The following EPS8L2 variants were observed in gnomAD, a reference collection of about 807,000 sequenced individuals.
EPS8L2 encodes epidermal growth factor receptor kinase substrate 8-like protein 2.
In EPS8L2, 81 loss-of-function variants were observed where a neutral mutation model predicts 99.4. The observed-to-expected ratio is 0.82, with a 90% confidence interval of 0.68 to 0.98. The LOEUF (loss-of-function observed/expected upper bound fraction) is 0.98. Among genes scored for constraint, EPS8L2 ranks in the 50% least tolerant of loss-of-function variants. The probability of loss-of-function intolerance (pLI) is 0.00; values close to 1 mark genes in which losing one functional copy is unlikely to be tolerated. For synonymous variants in EPS8L2, 509 were observed against 407.3 expected, an observed-to-expected ratio of 1.25 and a Z score of -3.01; for missense variants, 1,155 against 968.8, an observed-to-expected ratio of 1.19 and a Z score of -2.55.
At chr11:725,941 GGA>G (rs1862305185) in intron 17 of EPS8L2, 94 bp downstream of exon 17, 4 of 1,376,486 alleles carry the variant, frequency 2.9e-6, no homozygotes, top group Non-Finnish European at 3.8e-6. Context: ...CCCCGCGGCT[GGA>G]GAGACTGGGG....
At chr11:725,877 GC>G in intron 17 of EPS8L2, 30 bp downstream of exon 17, 1 of 1,355,712 alleles carries the variant, frequency 7.4e-7, no homozygotes, top group Non-Finnish European at 9.5e-7. Context: ...TGGGGTCGCA[GC>G]CCCCAGCTTC....
chr11:720,357 G>A (rs1255708599), intron 5 of EPS8L2, 134 bp downstream of exon 5: 11 of 1,149,118 alleles, frequency 9.6e-6, no homozygotes, highest in Non-Finnish European at 1.3e-5. Context: ...CCTGGAAGAG[G>A]ATGGGACAAG....
Position 722,156 on chromosome 11 carries a change from TCTGGAC to T in EPS8L2, c.1055_1059+1del. 1 of 1,612,438 alleles carries T rather than the reference TCTGGAC, an allele frequency of 6.2e-7. No individual in the cohort carries two copies. The highest frequency in any genetic ancestry group is 8.5e-7 in the Non-Finnish European group (1 of 1,179,688). ...AGCTCGTGCACTTCCTCTTCGGGCC[TCTGGAC>T]CTGGTGCCTGGGGCCGGGCGGCAGG... On this transcript the variant is annotated inframe_deletion, in exon 12 of 21. Coordinates refer to ENST00000318562, the MANE Select transcript of EPS8L2 (RefSeq NM_022772.4).
In EPS8L2 at chr11:726,662, TC is replaced by T; in HGVS notation, c.1981del (p.Leu661SerfsTer6). The part of the protein sequence containing the change: ...LGILTGPQLF[S>X]LNKEELKKVC... ...CATCCTGACCGGGCCGCAGCTCTTC[TC>T]CCTCAACAAGGAGGAGCTGAAGAAA... On this transcript the variant is annotated frameshift_variant, in exon 20 of 21. Coordinates refer to ENST00000318562, the MANE Select transcript of EPS8L2 (RefSeq NM_022772.4). LOFTEE classifies it high-confidence loss of function. The T allele has an allele frequency of 6.4e-7, 1 of 1,566,180 alleles. No individual in the cohort carries two copies. Among genetic ancestry groups the T allele is most frequent in the Non-Finnish European group, 8.6e-7 (1 of 1,156,222 alleles).
chr11:710,392 C>T (rs1458878316), intron 3 of EPS8L2, 30 bp from the exon 4 acceptor site: 5 of 1,610,558 alleles, frequency 3.1e-6, no homozygotes, highest in Middle Eastern at 3.3e-4. Flanking sequence ...TCCTGCCCGT[C>T]GGGGGAGTGA....
rs1180417748 is a variant in EPS8L2 at position 726,605 on chromosome 11, C to G, written c.1935-14C>G. On this transcript the variant is annotated splice_polypyrimidine_tract_variant and intron_variant, in intron 19 of 20. Transcript: ENST00000318562. ...CTCACAGCGCGGCCCTGACGCCCAA[C>G]TGCCCGCCCCCAGGATCGTGGAGAA... is the stretch of plus-strand genomic sequence containing the variant. 2.6e-6 allele frequency: 4 copies of G among 1,542,898 alleles called. No individual in the cohort carries two copies. The highest frequency in any genetic ancestry group is 3.5e-6 in the Non-Finnish European group (4 of 1,143,060).
In EPS8L2 at chr11:722,472, G is replaced by A; in HGVS notation, c.1131G>A (p.Val377=). The change falls in exon 13 of 21, where the codon GTG becomes GTA. Residue 377 remains valine (V), a synonymous_variant. Coordinates refer to ENST00000318562, the MANE Select transcript of EPS8L2 (RefSeq NM_022772.4). The stretch of plus-strand genomic sequence containing the variant: ...GCCCACTGCTCTCCCGAGATGCCGT[G>A]GACTTCCTGCGCGGCCACCTGGTCC... ...VSCPLLSRDA[V]DFLRGHLVPK... The A allele has an allele frequency of 6.2e-7, 1 of 1,613,452 alleles. No individual in the cohort carries two copies. The highest frequency in any genetic ancestry group is 8.5e-7 in the Non-Finnish European group (1 of 1,179,930).
At chr11:723,206 C>A in intron 14 of EPS8L2, 35 bp from the exon 15 acceptor site, 1 of 1,223,006 alleles carries the variant, frequency 8.2e-7, no homozygotes, top group Non-Finnish European at 1.2e-6. Context: ...CAGCCCCGCC[C>A]CATGTCTAAC....
In EPS8L2 at chr11:724,862, G is replaced by T; in HGVS notation, c.1560+33G>T. ...GCTGGAGGACGGGGTCCAAGAGGGG[G>T]AAACAGGGCAGGGCTTCAAGGGAGG... On this transcript the variant is annotated intron_variant, in intron 16 of 20. Transcript: ENST00000318562. The surrounding 1 kb of genome is among the most constrained non-coding windows in gnomAD (Gnocchi z 5.5). 6.6e-7 allele frequency: 1 copy of T among 1,514,952 alleles called. No individual in the cohort carries two copies. Among genetic ancestry groups the T allele is most frequent in the Non-Finnish European group, 9.2e-7 (1 of 1,091,974 alleles). 93.8% of individuals were successfully genotyped at this position (1,514,952 alleles called of 1,614,324 possible).
intron 4 of EPS8L2, 34 bp from the exon 5 acceptor site, chr11:720,028 C>T (rs1862114043): frequency 6.3e-7 from 1 of 1,586,854 alleles, no homozygotes; most frequent in African/African-American, 1.3e-5. Context: ...ACAAGGAGGG[C>T]TCTGCCCAGC....
intron 4 of EPS8L2, among the ~76,000 whole-genome samples, chr11:718,258 G>A (rs1377527003): frequency 1.3e-5 from 2 of 151,966 alleles, no homozygotes; most frequent in African/African-American, 4.8e-5. Context: ...ACTTGAACCC[G>A]GGAGGCGGAG....
At position 724,716 on chromosome 11, in the gene EPS8L2, C is replaced by A; in HGVS notation, c.1455-8C>A. On this transcript the variant is annotated splice_region_variant and splice_polypyrimidine_tract_variant and intron_variant, in intron 15 of 20. Transcript: ENST00000318562. The surrounding 1 kb of genome is among the most constrained non-coding windows in gnomAD (Gnocchi z 5.5). ...AGACTGGGCCTCAGCCCCTCCTGTT[C>A]CTCACAGGGGCTACCAGCCAACACC... The A allele has an allele frequency of 6.2e-7, 1 of 1,606,188 alleles. No homozygotes were observed. Among genetic ancestry groups the A allele is most frequent in the Non-Finnish European group, 8.5e-7 (1 of 1,173,682 alleles).
At chr11:720,516 G>A (rs2133523519) in intron 5 of EPS8L2, 81 bp from the exon 6 acceptor site, 1 of 1,546,780 alleles carries the variant, frequency 6.5e-7, no homozygotes, top group Non-Finnish European at 8.7e-7. Flanking sequence ...CTGTGCTCCA[G>A]GCTTGTCCAC....
rs1862301362 is a variant in EPS8L2 at position 725,861 on chromosome 11, G to A, written c.1680+14G>A. On this transcript the variant is annotated intron_variant, in intron 17 of 20. Transcript: ENST00000318562. ...CCGTTCGAGCAGGTGAGCCCGCGGGGGTCCCTGGGGTCGCAGCCCCCAGCT... is the reference window on the plus strand; with the variant it reads ...CCGTTCGAGCAGGTGAGCCCGCGGGAGTCCCTGGGGTCGCAGCCCCCAGCT... The A allele has an allele frequency of 3.0e-6, 4 of 1,353,578 alleles. No homozygotes were observed. Among genetic ancestry groups the A allele is most frequent in the Non-Finnish European group, 3.8e-6 (4 of 1,057,906 alleles). The allele number at this position is 1,353,578 out of a possible 1,614,324, so 83.8% of individuals were successfully genotyped here.
rs953407769 is a variant in EPS8L2 at position 722,706 on chromosome 11, C to G, written c.1242C>G (p.Leu414=). Residue 414 remains leucine (L), a synonymous_variant, in exon 14 of 21, where the codon CTC becomes CTG. Transcript: ENST00000318562. ...SEWPREPQVP[L]YVPKFHSGWE... is the part of the protein sequence containing the mutation. ...GGCCGCGGGAGCCACAGGTGCCCCTCTACGTGCCCAAGTTCCACAGCGGCT... is the reference window on the plus strand; with the variant it reads ...GGCCGCGGGAGCCACAGGTGCCCCTGTACGTGCCCAAGTTCCACAGCGGCT... 54 of 1,609,074 alleles carry G rather than the reference C, an allele frequency of 3.4e-5. No homozygotes were observed. Among genetic ancestry groups the G allele is most frequent in the Non-Finnish European group, 4.6e-5 (54 of 1,178,380 alleles).
rs1861819763 is a variant in EPS8L2 at position 709,279 on chromosome 11, G to A, written c.-78-51G>A. ...GGATCTGGCCCAGGGAAGGAGGGGA[G>A]GAACCAGCCAGGCCGGAGGAAGTGT... On this transcript the variant is annotated intron_variant, in intron 1 of 20. Coordinates refer to ENST00000318562, the MANE Select transcript of EPS8L2 (RefSeq NM_022772.4). The A allele has an allele frequency of 2.6e-6, 3 of 1,158,060 alleles. No homozygotes were observed. In the Admixed American group the frequency reaches 6.2e-5, roughly 24 times the overall value. 71.7% of individuals were successfully genotyped at this position (1,158,060 alleles called of 1,614,324 possible).
Position 721,339 on chromosome 11 carries a change from T to C in EPS8L2, c.755T>C (p.Ile252Thr). 6.5e-7 allele frequency: 1 copy of C among 1,537,758 alleles called. No individual in the cohort carries two copies. The change falls in exon 9 of 21, where the codon ATA (isoleucine) becomes ACA (threonine). Residue 252 changes from isoleucine (I) to threonine (T), a missense_variant. By Grantham distance (89) the Ile-to-Thr change is moderately conservative (BLOSUM62 -1). Transcript: ENST00000318562. ...CCGCGGGCCGTGCTGGCTCAGAAGA[T>C]AGAGAAGGAGACGGTGGGTGCCCGG... is the stretch of plus-strand genomic sequence containing the variant. Reference protein sequence around the residue: ...EEPRAVLAQKIEKETQILNCA... With the variant: ...EEPRAVLAQKTEKETQILNCA...
intron 3 of EPS8L2, 138 bp from the exon 4 acceptor site, chr11:710,284 A>T: frequency 1.3e-6 from 1 of 772,472 alleles, no homozygotes; most frequent in Non-Finnish European, 2.2e-6. Context: ...TCACACCCAC[A>T]TCCTTCCTGG....
At chr11:709,288 C>A in intron 1 of EPS8L2, 42 bp from the exon 2 acceptor site, 1 of 1,242,844 alleles carries the variant, frequency 8.0e-7, no homozygotes, top group Non-Finnish European at 1.1e-6. Flanking sequence ...AGGAACCAGC[C>A]AGGCCGGAGG....
Sources: allele counts gnomAD v4.1 joint callset (sites outside exome capture counted in the v4.1 genomes callset), GRCh38; gene constraint gnomAD v4.1.1; non-coding constraint Gnocchi (gnomAD v3.1); transcripts MANE v1.5; gene names NCBI Gene and HGNC (gene_info 2026-07-23, HGNC 2026-07-21).